The following NRXN1 variants were observed in gnomAD, a reference collection of about 807,000 sequenced individuals.
NRXN1 encodes the protein neurexin 1.
Under a neutral mutation model 150.9 loss-of-function variants are expected in NRXN1, and 39 were observed. The ratio of observed to expected loss-of-function variants is 0.26; its 90% CI spans 0.20 to 0.34. The LOEUF (loss-of-function observed/expected upper bound fraction) is 0.34. Ranked by LOEUF, NRXN1 falls within the 10% of genes least tolerant of loss-of-function variation. NRXN1 has a pLI of 1.00. For missense variants in NRXN1, 1,815 were observed against 1,949.9 expected (o/e 0.93, Z 1.30); for synonymous variants, 924 against 757.0 (o/e 1.22, Z -3.62).
At chr2:50,553,536 G>C (rs1262966036) in intron 8 of NRXN1, among the ~76,000 whole-genome samples, 2 of 152,094 alleles carry the variant, frequency 1.3e-5, no homozygotes, top group African/African-American at 4.8e-5. Flanking sequence ...TATTGACTTT[G>C]CAAGACAGTC....
intron 5 of NRXN1, among the ~76,000 whole-genome samples, chr2:50,754,277 A>G (rs1700938510): frequency 6.6e-6 from 1 of 151,880 alleles, no homozygotes; most frequent in Non-Finnish European, 1.5e-5. Flanking sequence ...CTCCTAGTTC[A>G]TGATACATAT....
At chr2:50,455,523 T>C (rs1036841242) in intron 17 of NRXN1, among the ~76,000 whole-genome samples, 5 of 152,208 alleles carry the variant, frequency 3.3e-5, no homozygotes, top group Non-Finnish European at 5.9e-5. Flanking sequence ...ACAGAATTAC[T>C]GTCACTGTCA....
chr2:50,410,125 T>G (rs190944589), intron 17 of NRXN1, among the ~76,000 whole-genome samples: 282 of 152,204 alleles, frequency 1.9e-3, no homozygotes, highest in African/African-American at 6.8e-3. Flanking sequence ...CAAGCAAGGA[T>G]GTAGAAACTC....
intron 21 of NRXN1, among the ~76,000 whole-genome samples, chr2:50,020,025 GTTTCAGAGGAGC>G (rs1687325179): frequency 6.8e-6 from 1 of 146,756 alleles, no homozygotes; most frequent in African/African-American, 2.6e-5. Context: ...TTATAAGGTG[GTTTCAGAGGAGC>G]ATGTAGTGCA....
At chr2:50,045,156 C>CCAACAA (rs150907464) in intron 21 of NRXN1, among the ~76,000 whole-genome samples, 9 of 150,702 alleles carry the variant, frequency 6.0e-5, no homozygotes, top group African/African-American at 1.5e-4. Context: ...TTCAGTGATA[C>CCAACAA]CAACAACAAC....
intron 8 of NRXN1, among the ~76,000 whole-genome samples, chr2:50,612,718 G>C (rs1246181118): frequency 1.3e-5 from 2 of 152,180 alleles, no homozygotes; most frequent in Non-Finnish European, 2.9e-5. Context: ...GGGTTTGTTT[G>C]AATGATCTGA....
intron 5 of NRXN1, among the ~76,000 whole-genome samples, chr2:50,653,951 C>G (rs990798664): frequency 7.0e-6 from 1 of 143,762 alleles, no homozygotes; most frequent in Admixed American, 7.1e-5. Flanking sequence ...ATGCCCCCTA[C>G]TTTCTTCTCT....
intron 5 of NRXN1, among the ~76,000 whole-genome samples, chr2:50,772,335 T>C (rs1165249318): frequency 1.3e-5 from 2 of 151,688 alleles, no homozygotes; most frequent in Admixed American, 1.3e-4. Context: ...CAAAAAGTTT[T>C]CATTAAATAT....
intron 22 of NRXN1, among the ~76,000 whole-genome samples, chr2:49,933,178 C>G (rs1185692569): frequency 6.6e-6 from 1 of 152,066 alleles, no homozygotes; most frequent in Non-Finnish European, 1.5e-5. Flanking sequence ...GCTCTGCCTC[C>G]CAGATTCACG....
chr2:50,779,462 A>T (rs1299215535), intron 5 of NRXN1, among the ~76,000 whole-genome samples: 2 of 152,158 alleles, frequency 1.3e-5, no homozygotes, highest in Non-Finnish European at 2.9e-5. Flanking sequence ...GCCATTGTGA[A>T]CAGTGCAGCA....
chr2:50,465,531 C>T lies in NRXN1; in HGVS notation c.3275G>A (p.Cys1092Tyr). ...TTGCAAGCACACACCTTGATTGGAA[C>T]ATGAGTCCTCTTGGCAGGTTGTGCT... ...GPSTTCQEDS[C>Y]SNQGVCLQQW... The change falls in exon 17 of 23, where the codon TGT (cysteine) becomes TAT (tyrosine). Residue 1092 changes from cysteine (C) to tyrosine (Y), a missense_variant. By Grantham distance (194) the Cys-to-Tyr change is radical. This residue lies in a region of NRXN1 where 339 missense variants were observed against 440.3 expected (regional missense o/e 0.77). Coordinates refer to ENST00000401669, the MANE Select transcript of NRXN1 (RefSeq NM_001330078.2). The T allele has an allele frequency of 6.2e-7, 1 of 1,610,390 alleles. No individual in the cohort carries two copies. The highest frequency in any genetic ancestry group is 8.5e-7 in the Non-Finnish European group (1 of 1,177,930).
chr2:50,984,882 A>C (rs911376458), intron 2 of NRXN1, among the ~76,000 whole-genome samples: 1 of 152,106 alleles, frequency 6.6e-6, no homozygotes, highest in Non-Finnish European at 1.5e-5. Context: ...ATCTAAAAAA[A>C]ATTATCTCTG....
At chr2:50,382,512 G>T (rs939402) in intron 17 of NRXN1, among the ~76,000 whole-genome samples, 36,573 of 151,886 alleles carry the variant, frequency 0.24, 4,688 homozygotes, top group East Asian at 0.43. Context: ...AAAGTATAGG[G>T]AAACAAAGAG....
chr2:50,756,507 C>A (rs531500786), intron 5 of NRXN1, among the ~76,000 whole-genome samples: 1 of 151,864 alleles, frequency 6.6e-6, no homozygotes, highest in African/African-American at 2.4e-5. Context: ...TTGCAAATTT[C>A]CTTACCCTTT....
At chr2:50,463,945 C>T (rs1428698902) in intron 17 of NRXN1, 1 of 151,514 alleles carries the variant, frequency 6.6e-6, no homozygotes, top group African/African-American at 2.4e-5. Flanking sequence ...AGTATTCAGT[C>T]TTCTGATTGT....
At chr2:50,609,583 C>T (rs1252454220) in intron 8 of NRXN1, among the ~76,000 whole-genome samples, 1 of 152,136 alleles carries the variant, frequency 6.6e-6, no homozygotes, top group East Asian at 1.9e-4. Context: ...CATCAACTAT[C>T]TTACCTCAGG....
intron 17 of NRXN1, among the ~76,000 whole-genome samples, chr2:50,409,341 G>A (rs1459415885): frequency 6.6e-6 from 1 of 152,128 alleles, no homozygotes; most frequent in African/African-American, 2.4e-5. Context: ...GACATCCTAA[G>A]TATAAAGAAA....
chr2:49,959,420 A>T (rs1675524256), intron 21 of NRXN1, among the ~76,000 whole-genome samples: 1 of 152,196 alleles, frequency 6.6e-6, no homozygotes, highest in Non-Finnish European at 1.5e-5. Context: ...CACCTGGTGT[A>T]CCCTGAAGAG....
intron 13 of NRXN1, among the ~76,000 whole-genome samples, chr2:50,501,643 TAA>T (rs376104716): frequency 1.4e-4 from 20 of 147,100 alleles, no homozygotes; most frequent in African/African-American, 7.5e-5. Flanking sequence ...ACACACAGAT[TAA>T]AAAAAAAAAA....
Sources: allele counts gnomAD v4.1 joint callset (sites outside exome capture counted in the v4.1 genomes callset), GRCh38; gene constraint gnomAD v4.1.1; regional missense constraint gnomAD v4.1.1; transcripts MANE v1.5; gene names NCBI Gene and HGNC (gene_info 2026-07-23, HGNC 2026-07-21).